The following GRM3 variants were observed in gnomAD, a reference collection of about 807,000 sequenced individuals.
GRM3 encodes metabotropic glutamate receptor 3.
Under a neutral mutation model 70.5 loss-of-function variants are expected in GRM3, and 26 were observed. That is an observed-to-expected ratio of 0.37 (90% CI 0.27 to 0.51). GRM3 has a LOEUF of 0.51. Ranked by LOEUF, GRM3 falls within the 20% of genes least tolerant of loss-of-function variation. The pLI is 0.93. For missense variants in GRM3, 859 were observed against 1,123.8 expected, an observed-to-expected ratio of 0.76 and a Z score of 3.37; for synonymous variants, 443 against 434.9, an observed-to-expected ratio of 1.02 and a Z score of -0.23.
At chr7:86,753,458 A>G (rs2116368771) in intron 1 of GRM3, among the ~76,000 whole-genome samples, 1 of 152,254 alleles carries the variant, frequency 6.6e-6, no homozygotes, top group Middle Eastern at 3.4e-3. Flanking sequence ...TGTCCCAGTA[A>G]GAAATTATTT....
rs185236143 is a variant in GRM3 at position 86,765,340 on chromosome 7, G to A, written c.195G>A (p.Gly65=). 6.2e-7 allele frequency: 1 copy of A among 1,613,924 alleles called. No individual in the cohort carries two copies. The highest frequency in any genetic ancestry group is 1.1e-5 in the South Asian group (1 of 91,082). Residue 65 remains glycine, a synonymous_variant, in exon 2 of 6, where the codon GGG becomes GGA. Coordinates refer to ENST00000361669, the MANE Select transcript of GRM3 (RefSeq NM_000840.3). ...EECGRINEDR[G]IQRLEAMLFA... is the part of the protein sequence containing the mutation. The stretch of plus-strand genomic sequence containing the variant: ...GTGGGCGAATCAATGAAGACCGAGG[G>A]ATTCAACGCCTGGAAGCCATGTTGT...
intron 1 of GRM3, among the ~76,000 whole-genome samples, chr7:86,736,519 C>G (rs2116302917): frequency 6.6e-6 from 1 of 152,278 alleles, no homozygotes; most frequent in Middle Eastern, 3.4e-3. Flanking sequence ...CTCTGTTGCC[C>G]AGGCTGGAGT....
At chr7:86,781,283 T>C (rs1414201256) in intron 2 of GRM3, among the ~76,000 whole-genome samples, 1 of 152,110 alleles carries the variant, frequency 6.6e-6, no homozygotes, top group African/African-American at 2.4e-5. Flanking sequence ...AACAGTAACT[T>C]AGAGAATAGG....
At chr7:86,746,371 A>ATATATATATATATATG in intron 1 of GRM3, among the ~76,000 whole-genome samples, 1 of 142,676 alleles carries the variant, frequency 7.0e-6, no homozygotes, top group Non-Finnish European at 1.5e-5. Flanking sequence ...ATATATATAT[A>ATATATATATATATATG]TATAATCACT....
chr7:86,851,639 A>G (rs1237416110), intron 5 of GRM3, among the ~76,000 whole-genome samples: 5 of 152,126 alleles, frequency 3.3e-5, no homozygotes, highest in Admixed American at 2.6e-4. Flanking sequence ...TTTCTCTACC[A>G]AAGTACAGAA....
At chr7:86,848,764 C>T (rs552376803) in intron 4 of GRM3, among the ~76,000 whole-genome samples, 3 of 152,144 alleles carry the variant, frequency 2.0e-5, no homozygotes, top group Non-Finnish European at 4.4e-5. Context: ...TACCTCAAGA[C>T]AGTAGCAAGT....
At chr7:86,725,954 A>G (rs111569683) in intron 1 of GRM3, among the ~76,000 whole-genome samples, 36 of 152,226 alleles carry the variant, frequency 2.4e-4, no homozygotes, top group African/African-American at 8.4e-4. Context: ...CACTGCCCTC[A>G]TGGCCTAATT....
chr7:86,730,704 G>A (rs551873686), intron 1 of GRM3, among the ~76,000 whole-genome samples: 1 of 152,130 alleles, frequency 6.6e-6, no homozygotes, highest in South Asian at 2.1e-4. Context: ...AGGCCGTTTT[G>A]CATGCTAACC....
At chr7:86,657,912 G>A (rs1021671878) in intron 1 of GRM3, among the ~76,000 whole-genome samples, 1 of 152,204 alleles carries the variant, frequency 6.6e-6, no homozygotes, top group Non-Finnish European at 1.5e-5. Flanking sequence ...ATAGAAAAGA[G>A]CATGCTGCAT....
intron 1 of GRM3, among the ~76,000 whole-genome samples, chr7:86,693,058 G>A (rs958765747): frequency 6.6e-6 from 1 of 152,130 alleles, no homozygotes; most frequent in Non-Finnish European, 1.5e-5. Context: ...TCATCAAAAA[G>A]GATTGTCTGG....
intron 3 of GRM3, among the ~76,000 whole-genome samples, chr7:86,815,362 G>C (rs1797995163): frequency 6.6e-6 from 1 of 151,758 alleles, no homozygotes. Flanking sequence ...GTCCCCCTTT[G>C]ATGATTTTGT....
At position 86,786,921 on chromosome 7, in the gene GRM3, C is replaced by G. The variant is rs751205045; in HGVS notation, c.1129C>G (p.Leu377Val). 1.4e-5 allele frequency: 22 copies of G among 1,614,180 alleles called. No individual in the cohort carries two copies. The highest frequency in any genetic ancestry group is 1.9e-5 in the Non-Finnish European group (22 of 1,179,992). ...RNHRRVCDKH[L>V]AIDSSNYEQE... ...CCACAGGCGCGTCTGCGACAAGCAC[C>G]TGGCCATCGACAGCAGCAACTACGA... Residue 377 changes from leucine to valine, a missense_variant, in exon 3 of 6, where the codon CTG (leucine) becomes GTG (valine). Coordinates refer to ENST00000361669, the MANE Select transcript of GRM3 (RefSeq NM_000840.3). The surrounding 1 kb of genome is among the most constrained non-coding windows in gnomAD (Gnocchi z 6.0).
At chr7:86,783,673 T>C (rs1302700641) in intron 2 of GRM3, among the ~76,000 whole-genome samples, 1 of 152,134 alleles carries the variant, frequency 6.6e-6, no homozygotes, top group Non-Finnish European at 1.5e-5. Flanking sequence ...TTATAATCTA[T>C]TGCCTCCCAT....
At chr7:86,850,220 A>G in intron 4 of GRM3, 150 bp from the exon 5 acceptor site, 2 of 581,334 alleles carry the variant, frequency 3.4e-6, no homozygotes, top group Non-Finnish European at 6.1e-6. Flanking sequence ...TAGAAGATTC[A>G]ATATAATTAC....
At chr7:86,808,483 C>T (rs1459655913) in intron 3 of GRM3, among the ~76,000 whole-genome samples, 2 of 150,830 alleles carry the variant, frequency 1.3e-5, no homozygotes, top group African/African-American at 2.4e-5. Flanking sequence ...TCTTCTGTAG[C>T]TTTTTTTTTC....
chr7:86,691,335 A>G (rs1303129910), intron 1 of GRM3, among the ~76,000 whole-genome samples: 1 of 152,116 alleles, frequency 6.6e-6, no homozygotes, highest in African/African-American at 2.4e-5. Context: ...TTCTCCATTA[A>G]GCAGCCAAAG....
chr7:86,786,516 G>A lies in GRM3; in HGVS notation c.724G>A (p.Ala242Thr), dbSNP rs2116543302. ...QEARLRNICI[A>T]TAEKVGRSNI... The stretch of plus-strand genomic sequence containing the variant: ...AGCCCGCCTGCGCAACATCTGCATC[G>A]CTACGGCGGAGAAGGTGGGCCGCTC... The change falls in exon 3 of 6, where the codon GCT becomes ACT. Residue 242 changes from alanine to threonine, a missense_variant. Physicochemically the swap from Ala to Thr is moderately conservative, Grantham distance 58. Coordinates refer to ENST00000361669, the MANE Select transcript of GRM3 (RefSeq NM_000840.3). The surrounding 1 kb of genome is among the most constrained non-coding windows in gnomAD (Gnocchi z 6.0). 2 of 1,614,138 alleles carry A rather than the reference G, an allele frequency of 1.2e-6. No individual in the cohort carries two copies. The highest frequency in any genetic ancestry group is 1.1e-5 in the South Asian group (1 of 91,090).
intron 1 of GRM3, among the ~76,000 whole-genome samples, chr7:86,686,309 A>G (rs1018410940): frequency 6.6e-6 from 1 of 152,296 alleles, no homozygotes; most frequent in Non-Finnish European, 1.5e-5. Flanking sequence ...CAAATATAAG[A>G]GTTTAGAGCT....
At chr7:86,749,563 T>C (rs1011481164) in intron 1 of GRM3, among the ~76,000 whole-genome samples, 1 of 152,070 alleles carries the variant, frequency 6.6e-6, no homozygotes, top group African/African-American at 2.4e-5. Flanking sequence ...ATGCCAGATG[T>C]GGAAACAAAT....
Sources: allele counts gnomAD v4.1 joint callset (sites outside exome capture counted in the v4.1 genomes callset), GRCh38; gene constraint gnomAD v4.1.1; non-coding constraint Gnocchi (gnomAD v3.1); transcripts MANE v1.5; gene names NCBI Gene and HGNC (gene_info 2026-07-23, HGNC 2026-07-21).